Variants in LSAMP observed in about 807,000 individuals in gnomAD.
The protein encoded by LSAMP is limbic system associated membrane protein.
Under a neutral mutation model 38.6 loss-of-function variants are expected in LSAMP, and 7 were observed. That is an observed-to-expected ratio of 0.18 (90% confidence interval 0.10 to 0.34). LSAMP has a LOEUF of 0.34. Among genes scored for constraint, LSAMP ranks in the 10% least tolerant of loss-of-function variants. The pLI, the probability that LSAMP is intolerant of heterozygous loss-of-function variation, is 1.00. For missense variants in LSAMP, 313 were observed against 420.0 expected, an observed-to-expected ratio of 0.75 and a Z score of 2.23; for synonymous variants, 154 against 166.8, an observed-to-expected ratio of 0.92 and a Z score of 0.59.
At chr3:116,102,861 A>G (rs1014397841) in intron 1 of LSAMP, among the ~76,000 whole-genome samples, 2 of 152,212 alleles carry the variant, frequency 1.3e-5, no homozygotes, top group Non-Finnish European at 2.9e-5. Context: ...AAGTTTTAAC[A>G]AAATATTTTA....
At chr3:116,158,134 G>C (rs545044655) in intron 1 of LSAMP, among the ~76,000 whole-genome samples, 117 of 152,200 alleles carry the variant, frequency 7.7e-4, no homozygotes, top group African/African-American at 2.6e-3. Context: ...TACAGAAAAG[G>C]CTTTTGTTAA....
intron 3 of LSAMP, among the ~76,000 whole-genome samples, chr3:115,983,528 A>AAATAATAG (rs1283293851): frequency 6.6e-6 from 1 of 152,104 alleles, no homozygotes; most frequent in African/African-American, 2.4e-5. Context: ...CTCAGAATAA[A>AAATAATAG]AATAATAGTA....
chr3:116,340,854 T>C (rs2107752839), intron 1 of LSAMP, among the ~76,000 whole-genome samples: 1 of 152,156 alleles, frequency 6.6e-6, no homozygotes, highest in Middle Eastern at 3.4e-3. Flanking sequence ...CTAGACTCTC[T>C]GAAAGTGATA....
At position 115,926,485 on chromosome 3, in the gene LSAMP, G is replaced by A. The variant is rs576453447; in HGVS notation, c.515-73868C>T. Among the ~76,000 whole-genome samples the A allele has an allele frequency of 2.3e-4, 35 of 152,308 alleles. 1 individual carries two copies. In the South Asian group the frequency reaches 3.3e-3, roughly 14 times the overall value. ...CATGAGAACAGATAAAATTTTTGCC[G>A]TGTTCACAGTTGGATCGCCAGTGCA... On this transcript the variant is annotated intron_variant, in intron 3 of 6. Transcript: ENST00000490035.
intron 6 of LSAMP, among the ~76,000 whole-genome samples, chr3:115,833,916 C>A (rs1046459775): frequency 6.6e-6 from 1 of 151,946 alleles, no homozygotes; most frequent in African/African-American, 2.4e-5. Flanking sequence ...CTGCACCTTG[C>A]GTCTAAATAC....
At chr3:116,115,240 C>T (rs1391428484) in intron 1 of LSAMP, among the ~76,000 whole-genome samples, 1 of 152,208 alleles carries the variant, frequency 6.6e-6, no homozygotes, top group Admixed American at 6.5e-5. Flanking sequence ...AGGGTAAAGG[C>T]CAGAATTTGT....
chr3:115,814,995 A>C (rs940382478), intron 6 of LSAMP, among the ~76,000 whole-genome samples: 4 of 152,154 alleles, frequency 2.6e-5, no homozygotes, highest in Middle Eastern at 3.2e-3. Context: ...CTGCCAGTAC[A>C]GCTTCCTCTG....
chr3:116,004,522 G>GTATATATA (rs149186725), intron 3 of LSAMP, among the ~76,000 whole-genome samples: 18 of 145,068 alleles, frequency 1.2e-4, no homozygotes, highest in African/African-American at 3.9e-4. Flanking sequence ...ATATATATGT[G>GTATATATA]TATATATATA....
At chr3:116,188,836 T>A (rs1710685815) in intron 1 of LSAMP, among the ~76,000 whole-genome samples, 1 of 152,178 alleles carries the variant, frequency 6.6e-6, no homozygotes, top group Non-Finnish European at 1.5e-5. Context: ...CAGCAGAAAC[T>A]ACGATAGAAA....
Position 116,280,311 on chromosome 3 carries a change from G to A in LSAMP, c.155+164566C>T, listed in dbSNP as rs12106883. ...ACATGGAGGTTCTGAGCAATGAAGC[G>A]TCTCAGGATCACATGACCCCTGAGC... On this transcript the variant is annotated intron_variant, in intron 1 of 6. Transcript: ENST00000490035. Among the ~76,000 whole-genome samples the A allele has an allele frequency of 4.4e-3, 674 of 152,290 alleles. 5 individuals carry two copies. The highest frequency in any genetic ancestry group is 0.015 in the African/African-American group (620 of 41,556).
In LSAMP at chr3:115,975,796, CCTAT is replaced by C. The variant is rs140613498; in HGVS notation, c.514+43715_514+43718del. Among the ~76,000 whole-genome samples, 7 of 152,156 alleles carry C rather than the reference CCTAT, an allele frequency of 4.6e-5. No individual in the cohort carries two copies. The East Asian group carries it at 1.2e-3, about 25-fold the overall frequency. Reference sequence around the variant, plus strand: ...AAGACACATATCTATGTTTCTAGTCCCTATCTCTTTCCTGAGATCCATCCTATCA... The same window carrying C: ...AAGACACATATCTATGTTTCTAGTCCCTCTTTCCTGAGATCCATCCTATCA... On this transcript the variant is annotated intron_variant, in intron 3 of 6. Coordinates refer to ENST00000490035, the MANE Select transcript of LSAMP (RefSeq NM_002338.5).
chr3:116,293,411 T>A (rs2107696505), intron 1 of LSAMP, among the ~76,000 whole-genome samples: 1 of 152,320 alleles, frequency 6.6e-6, no homozygotes, highest in South Asian at 2.1e-4. Flanking sequence ...AAATACTTTT[T>A]TTTAAAGGTG....
chr3:115,903,572 C>T (rs375292606), intron 3 of LSAMP, among the ~76,000 whole-genome samples: 8 of 152,278 alleles, frequency 5.3e-5, no homozygotes, highest in South Asian at 2.1e-4. Flanking sequence ...AGAACCCTCA[C>T]AGGAGGATGG....
intron 1 of LSAMP, among the ~76,000 whole-genome samples, chr3:116,418,601 A>G (rs2049082440): frequency 6.6e-6 from 1 of 152,170 alleles, no homozygotes; most frequent in Non-Finnish European, 1.5e-5. Flanking sequence ...GCTGCAAGCC[A>G]TTCCTCACCT....
chr3:116,154,467 A>G (rs903332174), intron 1 of LSAMP, among the ~76,000 whole-genome samples: 2 of 152,154 alleles, frequency 1.3e-5, no homozygotes, highest in African/African-American at 4.8e-5. Flanking sequence ...TAAGACTCAA[A>G]TGGAATCTTC....
At chr3:115,983,900 G>A (rs182671388) in intron 3 of LSAMP, among the ~76,000 whole-genome samples, 1 of 152,256 alleles carries the variant, frequency 6.6e-6, no homozygotes, top group Admixed American at 6.5e-5. Context: ...TTAACATTAA[G>A]AGACAATGGG....
At position 116,203,853 on chromosome 3, in the gene LSAMP, A is replaced by G. The variant is rs1292652392; in HGVS notation, c.156-117297T>C. Among the ~76,000 whole-genome samples, 4 of 152,262 alleles carry G rather than the reference A, an allele frequency of 2.6e-5. No homozygotes were observed. The South Asian group carries it at 8.3e-4, about 32-fold the overall frequency. On this transcript the variant is annotated intron_variant, in intron 1 of 6. Coordinates refer to ENST00000490035, the MANE Select transcript of LSAMP (RefSeq NM_002338.5). ...CTTTGCTATTGTGAATAATGCCGCA[A>G]TAAACATACGTGTGCATGTGTCTTT...
intron 1 of LSAMP, among the ~76,000 whole-genome samples, chr3:116,338,050 C>A (rs2047945139): frequency 6.6e-6 from 1 of 152,024 alleles, no homozygotes; most frequent in Admixed American, 6.6e-5. Flanking sequence ...TTATTCCAGT[C>A]CTACAAATAA....
intron 3 of LSAMP, among the ~76,000 whole-genome samples, chr3:115,945,426 T>C (rs149775952): frequency 1.3e-5 from 2 of 152,196 alleles, no homozygotes; most frequent in African/African-American, 4.8e-5. Flanking sequence ...CAGAGGGTTG[T>C]GATACGAGTT....
Sources: gnomAD v4.1 joint callset for allele counts (sites outside exome capture counted in the v4.1 genomes callset) on GRCh38, gnomAD v4.1.1 for gene constraint, MANE v1.5 for transcripts, NCBI Gene and HGNC (gene_info 2026-07-23, HGNC 2026-07-21) for gene names.